Variants in CACNA1D observed in about 807,000 individuals in gnomAD.
The protein encoded by CACNA1D is voltage-dependent L-type calcium channel subunit alpha-1D.
CACNA1D carries 55 observed loss-of-function variants against 257.1 expected under a neutral mutation model. The ratio of observed to expected loss-of-function variants is 0.21; its 90% CI spans 0.17 to 0.27. CACNA1D has a LOEUF of 0.27. CACNA1D is among the 10% of genes least tolerant of loss of function. CACNA1D has a pLI of 1.00. For synonymous variants in CACNA1D, 980 were observed against 1,014.9 expected, an observed-to-expected ratio of 0.97 and a Z score of 0.65; for missense variants, 1,876 against 2,784.0, an observed-to-expected ratio of 0.67 and a Z score of 7.34.
chr3:53,540,285 A>ATTT (rs111314846), intron 3 of CACNA1D, among the ~76,000 whole-genome samples: 1 of 140,936 alleles, frequency 7.1e-6, no homozygotes, highest in African/African-American at 2.6e-5. Context: ...TGCCCGGCTA[A>ATTT]TTTTTTTTTT....
intron 34 of CACNA1D, 78 bp from the exon 35 acceptor site, chr3:53,775,808 A>T (rs2095394039): frequency 7.3e-7 from 1 of 1,371,164 alleles, no homozygotes; most frequent in Non-Finnish European, 1.0e-6. Flanking sequence ...TCTAATTATG[A>T]GTTTTTCTCC....
At chr3:53,735,323 T>A (rs770006525) in intron 19 of CACNA1D, 51 bp from the exon 20 acceptor site, 4 of 1,584,304 alleles carry the variant, frequency 2.5e-6, no homozygotes, top group Non-Finnish European at 3.5e-6. Flanking sequence ...AAGGACCCAG[T>A]GTGTTCCACC....
intron 3 of CACNA1D, among the ~76,000 whole-genome samples, chr3:53,636,750 C>T (rs886749365): frequency 2.0e-5 from 3 of 152,268 alleles, no homozygotes; most frequent in Admixed American, 6.5e-5. Context: ...CCTCTCTCCT[C>T]CATTACAGTA....
intron 42 of CACNA1D, 64 bp downstream of exon 42, chr3:53,801,489 A>C: frequency 6.2e-7 from 1 of 1,600,962 alleles, no homozygotes; most frequent in Non-Finnish European, 8.5e-7. Flanking sequence ...TCTAGTCCCA[A>C]GGAGCAAGGC....
At chr3:53,632,811 T>C (rs996133787) in intron 3 of CACNA1D, among the ~76,000 whole-genome samples, 2 of 152,226 alleles carry the variant, frequency 1.3e-5, no homozygotes, top group African/African-American at 4.8e-5. Context: ...CATTTATCAA[T>C]TTTGTTCACA....
At chr3:53,672,798 GTGTGTGTGTGTGTGTGTGTGT>G in intron 7 of CACNA1D, among the ~76,000 whole-genome samples, 1 of 150,244 alleles carries the variant, frequency 6.7e-6, no homozygotes, top group South Asian at 2.1e-4. Context: ...GTGTGTGTGT[GTGTGTGTGTGTGTGTGTGTGT>G]ATGGATGCTT....
intron 5 of CACNA1D, among the ~76,000 whole-genome samples, chr3:53,663,526 C>A (rs1186353280): frequency 6.6e-6 from 1 of 152,126 alleles, no homozygotes; most frequent in East Asian, 1.9e-4. Context: ...TCCTCACAAC[C>A]AATCCTAATC....
Position 53,774,217 on chromosome 3 carries a change from C to G in CACNA1D, c.4111-370C>G. 3 of 303,434 alleles carry G rather than the reference C, an allele frequency of 9.9e-6. No homozygotes were observed. The highest frequency in any genetic ancestry group is 6.9e-5 in the South Asian group (2 of 28,904). The allele number at this position is 303,434 out of a possible 1,614,324, so 18.8% of individuals were successfully genotyped here. ...AGTTCTGAGTTTACATGTCACTTCC[C>G]CCTAGAGGCCTTCCCTGACCCAGCC... On this transcript the variant is annotated intron_variant, in intron 33 of 47. Transcript: ENST00000350061. The surrounding 1 kb of genome is among the most constrained non-coding windows in gnomAD (Gnocchi z 4.3).
At chr3:53,722,172 C>T (rs2094889614) in intron 11 of CACNA1D, 142 bp from the exon 12 acceptor site, 2 of 753,860 alleles carry the variant, frequency 2.7e-6, no homozygotes, top group East Asian at 5.3e-5. Context: ...ATTTCTGTGC[C>T]ATTTGTGCTC....
intron 8 of CACNA1D, among the ~76,000 whole-genome samples, chr3:53,686,361 G>A (rs1484903264): frequency 3.3e-5 from 5 of 152,118 alleles, no homozygotes; most frequent in Admixed American, 6.5e-5. Context: ...CCCAACTCAT[G>A]AGGCCAAAAT....
chr3:53,789,723 A>G lies in CACNA1D; in HGVS notation c.4923+2771A>G, dbSNP rs1254598443. ...TGAGCGCAGAAGTGCGGACCTAGGCATGTGCGTGCTTGTGCTGCGTAGGGT... is the reference window on the plus strand; with the variant it reads ...TGAGCGCAGAAGTGCGGACCTAGGCGTGTGCGTGCTTGTGCTGCGTAGGGT... On this transcript the variant is annotated intron_variant, in intron 40 of 47. Coordinates refer to ENST00000350061, the MANE Select transcript of CACNA1D (RefSeq NM_001128840.3). This position sits in a 1 kb window ranked among gnomAD's most constrained non-coding sequence, Gnocchi z 4.2. 6.6e-6 allele frequency among the ~76,000 whole-genome samples: 1 copy of G among 152,226 alleles called. No individual in the cohort carries two copies. The highest frequency in any genetic ancestry group is 1.5e-5 in the Non-Finnish European group (1 of 68,026).
Position 53,758,721 on chromosome 3 carries a change from A to G in CACNA1D, c.3787-3277A>G, listed in dbSNP as rs897351366. On this transcript the variant is annotated intron_variant, in intron 29 of 47. Transcript: ENST00000350061. ...GGTCTTTTCAGACAGGTAGAGCTGG[A>G]CACAAAAATAATATAGATTTGACTG... Among the ~76,000 whole-genome samples the G allele has an allele frequency of 7.2e-4, 110 of 152,344 alleles. 1 individual carries two copies. The highest frequency in any genetic ancestry group is 2.6e-3 in the African/African-American group (109 of 41,580).
chr3:53,619,013 C>T (rs1408377666), intron 3 of CACNA1D, among the ~76,000 whole-genome samples: 1 of 152,176 alleles, frequency 6.6e-6, no homozygotes, highest in Non-Finnish European at 1.5e-5. Context: ...GCCCCCACTG[C>T]CAACGTCTCT....
At chr3:53,688,113 C>T (rs750432960) in intron 8 of CACNA1D, among the ~76,000 whole-genome samples, 24 of 152,230 alleles carry the variant, frequency 1.6e-4, no homozygotes, top group Non-Finnish European at 3.2e-4. Context: ...TCTATGTCTA[C>T]AAAATGACTA....
intron 3 of CACNA1D, among the ~76,000 whole-genome samples, chr3:53,525,905 C>T (rs554346406): frequency 3.3e-5 from 5 of 152,248 alleles, no homozygotes; most frequent in South Asian, 4.1e-4. Context: ...TCAGCTCAGG[C>T]GCTCAAATGA....
chr3:53,578,291 T>G (rs1479694238), intron 3 of CACNA1D, among the ~76,000 whole-genome samples: 1 of 151,820 alleles, frequency 6.6e-6, no homozygotes, highest in Non-Finnish European at 1.5e-5. Context: ...GAGCCAGGCC[T>G]GAGGAGGGGT....
At chr3:53,671,706 C>A (rs1029900984) in intron 7 of CACNA1D, among the ~76,000 whole-genome samples, 1 of 152,166 alleles carries the variant, frequency 6.6e-6, no homozygotes, top group Non-Finnish European at 1.5e-5. Flanking sequence ...ATGCCCTCTC[C>A]CTAGACTTCA....
At chr3:53,713,031 T>C (rs1037681958) in intron 9 of CACNA1D, among the ~76,000 whole-genome samples, 6 of 152,226 alleles carry the variant, frequency 3.9e-5, no homozygotes, top group Admixed American at 1.3e-4. Flanking sequence ...TGGGACATTC[T>C]ACATGCAGAG....
At chr3:53,575,166 C>T (rs992385850) in intron 3 of CACNA1D, among the ~76,000 whole-genome samples, 2 of 152,198 alleles carry the variant, frequency 1.3e-5, no homozygotes, top group Non-Finnish European at 2.9e-5. Context: ...GGCAGAGGTG[C>T]CCATACCTGC....
Sources: allele counts gnomAD v4.1 joint callset (sites outside exome capture counted in the v4.1 genomes callset), GRCh38; gene constraint gnomAD v4.1.1; non-coding constraint Gnocchi (gnomAD v3.1); transcripts MANE v1.5; gene names NCBI Gene and HGNC (gene_info 2026-07-23, HGNC 2026-07-21).